The following SPARCL1 variants were observed in gnomAD, a reference collection of about 807,000 sequenced individuals.
SPARCL1 encodes SPARC-like protein 1.
A neutral mutation model predicts 67.1 loss-of-function variants in SPARCL1; 52 were observed. The ratio of observed to expected loss-of-function variants is 0.78; its 90% CI spans 0.62 to 0.98. SPARCL1 has a LOEUF of 0.98. SPARCL1 is among the 50% of genes least tolerant of loss of function. The pLI, the probability that SPARCL1 is intolerant of heterozygous loss-of-function variation, is 0.00. For synonymous variants in SPARCL1, 226 were observed against 267.8 expected (o/e 0.84, Z 1.52); for missense variants, 717 against 782.4 (o/e 0.92, Z 1.00).
chr4:87,483,657 G>C (rs1334868504), intron 7 of SPARCL1, among the ~76,000 whole-genome samples: 1 of 152,166 alleles, frequency 6.6e-6, no homozygotes, highest in Non-Finnish European at 1.5e-5. Flanking sequence ...TTGAGGAATT[G>C]CCACACTGTC....
At chr4:87,520,669 G>C (rs1352291818) in intron 1 of SPARCL1, among the ~76,000 whole-genome samples, 1 of 152,156 alleles carries the variant, frequency 6.6e-6, no homozygotes, top group Non-Finnish European at 1.5e-5. Context: ...CCATGGGAGA[G>C]GTTGTAATTG....
intron 1 of SPARCL1, among the ~76,000 whole-genome samples, chr4:87,527,289 TG>T (rs766553336): frequency 6.6e-6 from 1 of 152,208 alleles, no homozygotes; most frequent in Non-Finnish European, 1.5e-5. Flanking sequence ...CCAGGCCTAC[TG>T]GGAAGTTCTA....
At position 87,490,789 on chromosome 4, in the gene SPARCL1, T is replaced by A. The variant is rs979745828; in HGVS notation, c.1381A>T (p.Thr461Ser). 6.2e-7 allele frequency: 1 copy of A among 1,612,086 alleles called. No homozygotes were observed. The highest frequency in any genetic ancestry group is 1.3e-5 in the African/African-American group (1 of 74,892). ...TCAAGGGGTTTTGTTGGAGGACAAG[T>A]CACTGGATCCTGGCAGACACAGTGA... ...KPHCVCQDPV[T>S]CPPTKPLDQV... The change falls in exon 6 of 11, where the codon ACT becomes TCT. Residue 461 changes from threonine to serine, a missense_variant. By Grantham distance (58) the Thr-to-Ser change is moderately conservative (BLOSUM62 1). Coordinates refer to ENST00000282470, the MANE Select transcript of SPARCL1 (RefSeq NM_004684.6).
intron 1 of SPARCL1, among the ~76,000 whole-genome samples, chr4:87,515,419 T>G (rs1468525653): frequency 6.6e-6 from 1 of 152,240 alleles, no homozygotes; most frequent in Non-Finnish European, 1.5e-5. Flanking sequence ...CTTTGAAACA[T>G]GCATAAGGCA....
intron 8 of SPARCL1, among the ~76,000 whole-genome samples, chr4:87,482,128 G>A (rs1723846247): frequency 6.6e-6 from 1 of 152,204 alleles, no homozygotes; most frequent in Admixed American, 6.5e-5. Context: ...GGACTGACTA[G>A]ATCAATGCTA....
At chr4:87,483,952 G>A (rs1304497111) in intron 7 of SPARCL1, among the ~76,000 whole-genome samples, 3 of 151,780 alleles carry the variant, frequency 2.0e-5, no homozygotes, top group South Asian at 4.2e-4. Context: ...TTGTAAATTT[G>A]TATCTGTTCC....
Position 87,494,442 on chromosome 4 carries a change from A to G in SPARCL1, c.358T>C (p.Leu120=), listed in dbSNP as rs761262040. 1.2e-6 allele frequency: 2 copies of G among 1,614,142 alleles called. No individual in the cohort carries two copies. The highest frequency in any genetic ancestry group is 2.2e-5 in the East Asian group (1 of 44,872). ...NLEYAPTEGT[L]DIKEDMSEPQ... is the part of the protein sequence containing the mutation. The stretch of plus-strand genomic sequence containing the variant: ...TCACTCATATCTTCTTTTATGTCCA[A>G]TGTACCTTCAGTTGGTGCATACTCC... The change falls in exon 4 of 11, where the codon TTG becomes CTG. Residue 120 remains leucine, a synonymous_variant. Transcript: ENST00000282470.
At chr4:87,524,233 T>C (rs1022010280) in intron 1 of SPARCL1, among the ~76,000 whole-genome samples, 4 of 142,210 alleles carry the variant, frequency 2.8e-5, no homozygotes, top group Admixed American at 1.4e-4. Context: ...GTCACAATTC[T>C]TTTTTTTCCC....
chr4:87,502,338 C>G (rs1215115274), intron 1 of SPARCL1, among the ~76,000 whole-genome samples: 1 of 152,032 alleles, frequency 6.6e-6, no homozygotes, highest in East Asian at 1.9e-4. Context: ...ATATAATATC[C>G]TACAGTGGTA....
intron 1 of SPARCL1, among the ~76,000 whole-genome samples, chr4:87,504,361 A>T (rs57062736): frequency 0.29 from 43,668 of 152,000 alleles, 6,933 homozygotes; most frequent in East Asian, 0.6. Context: ...ACAAGGAGAA[A>T]TTTAGAATAT....
Position 87,490,334 on chromosome 4 carries a change from G to T in SPARCL1, c.1470C>A (p.Cys490Ter), listed in dbSNP as rs1364768400. ...GCCCCTTTTTGGTCCCCTCCAGTCT[G>T]CATTTAGTAGCGAATAGATGACAGG... is the stretch of plus-strand genomic sequence containing the variant. ...ASSCHLFATK[C>*]RLEGTKKGHQ... The change falls in exon 7 of 11, where the codon TGC (cysteine) becomes TGA (stop). Residue 490 changes from cysteine (C) to a stop codon, truncating the protein, a stop_gained. Coordinates refer to ENST00000282470, the MANE Select transcript of SPARCL1 (RefSeq NM_004684.6). LOFTEE classifies it high-confidence loss of function. The T allele has an allele frequency of 1.2e-6, 2 of 1,613,378 alleles. No homozygotes were observed.
At chr4:87,515,198 G>A (rs898943074) in intron 1 of SPARCL1, among the ~76,000 whole-genome samples, 2 of 152,184 alleles carry the variant, frequency 1.3e-5, no homozygotes, top group African/African-American at 4.8e-5. Flanking sequence ...CAGTTGGTAC[G>A]GAACTGGAAG....
intron 2 of SPARCL1, among the ~76,000 whole-genome samples, chr4:87,498,812 T>C (rs183559813): frequency 6.6e-6 from 1 of 152,300 alleles, no homozygotes; most frequent in East Asian, 1.9e-4. Context: ...CTCTCAAAAT[T>C]TCTCAGCCAG....
chr4:87,480,317 G>T, intron 9 of SPARCL1, 55 bp downstream of exon 9: 2 of 1,453,682 alleles, frequency 1.4e-6, no homozygotes, highest in African/African-American at 1.4e-5. Context: ...GCATAGATAT[G>T]TAGATATTTT....
chr4:87,498,398 A>G (rs1724709711), intron 2 of SPARCL1, among the ~76,000 whole-genome samples: 1 of 152,212 alleles, frequency 6.6e-6, no homozygotes, highest in Non-Finnish European at 1.5e-5. Context: ...AGAAGGGAGG[A>G]AAGGGACGAT....
intron 1 of SPARCL1, among the ~76,000 whole-genome samples, chr4:87,527,366 T>C (rs17012816): frequency 0.3 from 44,845 of 151,890 alleles, 7,302 homozygotes; most frequent in South Asian, 0.42. Context: ...GTGAGGACTA[T>C]GTGCACTTCA....
intron 1 of SPARCL1, among the ~76,000 whole-genome samples, chr4:87,501,110 C>T (rs1263849904): frequency 3.3e-5 from 5 of 152,146 alleles, no homozygotes; most frequent in African/African-American, 7.2e-5. Flanking sequence ...ACAATAACAA[C>T]AACAGAGCTA....
At chr4:87,481,086 C>A (rs1578094211) in intron 8 of SPARCL1, among the ~76,000 whole-genome samples, 1 of 152,286 alleles carries the variant, frequency 6.6e-6, no homozygotes, top group East Asian at 1.9e-4. Context: ...AGAAATTATT[C>A]TTGAGCAGTG....
At chr4:87,482,344 G>T (rs1214667696) in intron 8 of SPARCL1, 80 bp downstream of exon 8, 30 of 1,489,156 alleles carry the variant, frequency 2.0e-5, no homozygotes, top group Non-Finnish European at 2.5e-5. Flanking sequence ...GTATGCAGAG[G>T]TAGGTAGCCC....
Sources: allele counts gnomAD v4.1 joint callset (sites outside exome capture counted in the v4.1 genomes callset), GRCh38; gene constraint gnomAD v4.1.1; transcripts MANE v1.5; gene names NCBI Gene and HGNC (gene_info 2026-07-23, HGNC 2026-07-21).